The following RAP1GAP2 variants were observed in gnomAD, a reference collection of about 807,000 sequenced individuals.
RAP1GAP2 encodes the protein rap1 GTPase-activating protein 2.
Under a neutral mutation model 95.0 loss-of-function variants are expected in RAP1GAP2, and 27 were observed. The observed-to-expected ratio is 0.28, with a 90% CI of 0.21 to 0.39. The LOEUF is 0.39. Ranked by LOEUF, RAP1GAP2 falls within the 10% of genes least tolerant of loss-of-function variation. RAP1GAP2 has a pLI of 1.00. For missense variants in RAP1GAP2, 771 were observed against 970.0 expected (o/e 0.79, Z 2.72); for synonymous variants, 373 against 380.9 (o/e 0.98, Z 0.24).
chr17:2,940,868 G>A (rs1274986785), intron 3 of RAP1GAP2, among the ~76,000 whole-genome samples: 1 of 152,170 alleles, frequency 6.6e-6, no homozygotes, highest in Non-Finnish European at 1.5e-5. Flanking sequence ...CTCTATGGGA[G>A]TCAAGGGTGA....
chr17:2,928,550 C>T (rs1354982219), intron 3 of RAP1GAP2, among the ~76,000 whole-genome samples: 1 of 152,122 alleles, frequency 6.6e-6, no homozygotes, highest in Non-Finnish European at 1.5e-5. Context: ...CCCAGGTGAC[C>T]TGCCTGGCAT....
intron 3 of RAP1GAP2, among the ~76,000 whole-genome samples, chr17:2,934,493 G>A: frequency 6.6e-6 from 1 of 152,182 alleles, no homozygotes. Context: ...TTTCCCCATT[G>A]CGCAGAGAAG....
chr17:2,853,009 T>TG (rs888888275), intron 2 of RAP1GAP2, among the ~76,000 whole-genome samples: 2 of 144,468 alleles, frequency 1.4e-5, no homozygotes, highest in African/African-American at 5.2e-5. Context: ...GAGGGCGGAG[T>TG]GGGGGGCGCC....
chr17:2,983,194 C>T (rs549274853), intron 10 of RAP1GAP2, among the ~76,000 whole-genome samples: 6 of 152,104 alleles, frequency 3.9e-5, no homozygotes, highest in Non-Finnish European at 8.8e-5. Context: ...TTCTTCCTCT[C>T]GCATAACGCG....
chr17:3,013,111 C>A (rs998847610), intron 17 of RAP1GAP2, among the ~76,000 whole-genome samples: 21 of 152,172 alleles, frequency 1.4e-4, no homozygotes, highest in Non-Finnish European at 2.1e-4. Context: ...TTTCTCCCAG[C>A]CTTTGAGGGA....
intron 2 of RAP1GAP2, among the ~76,000 whole-genome samples, chr17:2,823,421 AAG>A (rs1319007493): frequency 6.6e-6 from 1 of 152,192 alleles, no homozygotes; most frequent in Non-Finnish European, 1.5e-5. Context: ...GTGTTTGAGA[AAG>A]AAAAACTGTT....
chr17:2,860,096 G>A (rs34542660), intron 2 of RAP1GAP2, among the ~76,000 whole-genome samples: 2 of 152,158 alleles, frequency 1.3e-5, no homozygotes, highest in African/African-American at 2.4e-5. Context: ...CTGGACATGA[G>A]GACTGTGCCT....
intron 4 of RAP1GAP2, among the ~76,000 whole-genome samples, chr17:2,959,944 G>A (rs1191592673): frequency 6.6e-6 from 1 of 151,972 alleles, no homozygotes; most frequent in African/African-American, 2.4e-5. Context: ...GGCCAACCTG[G>A]TGAAACCCTG....
chr17:3,010,315 G>A (rs1214109021), intron 17 of RAP1GAP2, among the ~76,000 whole-genome samples: 20 of 141,500 alleles, frequency 1.4e-4, no homozygotes, highest in Admixed American at 1.4e-3. Flanking sequence ...ACTCCAGCCT[G>A]GAGACAGGGC....
At chr17:2,911,090 A>G (rs1268362224) in intron 3 of RAP1GAP2, among the ~76,000 whole-genome samples, 1 of 152,052 alleles carries the variant, frequency 6.6e-6, no homozygotes, top group African/African-American at 2.4e-5. Flanking sequence ...GGGCCCAGGG[A>G]CGGCCTCTTG....
At chr17:2,928,068 C>T (rs1415940359) in intron 3 of RAP1GAP2, among the ~76,000 whole-genome samples, 3 of 37,324 alleles carry the variant, frequency 8.0e-5, no homozygotes, top group Non-Finnish European at 1.6e-4. Flanking sequence ...TGCTGATCCC[C>T]CAGCAACTGA....
chr17:2,920,063 G>A (rs2042705685), intron 3 of RAP1GAP2, among the ~76,000 whole-genome samples: 1 of 149,116 alleles, frequency 6.7e-6, no homozygotes, highest in Admixed American at 6.7e-5. Flanking sequence ...GGAGTACAGT[G>A]GTGCGATCAG....
At chr17:2,798,160 G>A (rs148088070) in intron 1 of RAP1GAP2, among the ~76,000 whole-genome samples, 25 of 152,286 alleles carry the variant, frequency 1.6e-4, no homozygotes, top group Non-Finnish European at 2.5e-4. Context: ...TTCTCACTGG[G>A]GCTTCCTTAA....
At chr17:2,792,697 C>G (rs1490418243), upstream of RAP1GAP2, among the ~76,000 whole-genome samples, 1 of 152,246 alleles carries the variant, frequency 6.6e-6, no homozygotes, top group African/African-American at 2.4e-5. Context: ...CAGTCCTGCT[C>G]CTTGGCCGGG....
In RAP1GAP2 at chr17:3,026,391, G is replaced by A. The variant is rs955138969; in HGVS notation, c.1907G>A (p.Arg636His). The A allele has an allele frequency of 1.7e-5, 27 of 1,552,168 alleles. No individual in the cohort carries two copies. The highest frequency in any genetic ancestry group is 2.4e-5 in the East Asian group (1 of 41,010). ...KLKENGRAIS[R>H]SSSSTSSVSS... is the part of the protein sequence containing the mutation. Reference sequence around the variant, plus strand: ...AAGGAAAACGGCCGTGCCATCTCCCGCTCCTCCTCCAGCACCAGCAGCGTC... The same window carrying A: ...AAGGAAAACGGCCGTGCCATCTCCCACTCCTCCTCCAGCACCAGCAGCGTC... The change falls in exon 21 of 25, where the codon CGC (arginine) becomes CAC (histidine). Residue 636 changes from arginine (R) to histidine (H), a missense_variant. Transcript: ENST00000254695.
intron 8 of RAP1GAP2, among the ~76,000 whole-genome samples, chr17:2,978,906 G>T (rs190894572): frequency 1.5e-4 from 23 of 152,104 alleles, no homozygotes; most frequent in Non-Finnish European, 2.8e-4. Flanking sequence ...TTGCACTCCA[G>T]CCTGGGCAAC....
rs998744507 is a variant in RAP1GAP2 at position 2,857,673 on chromosome 17, C to G, written c.81-47611C>G. On this transcript the variant is annotated intron_variant, in intron 2 of 24. Transcript: ENST00000254695. This position sits in a 1 kb window ranked among gnomAD's most constrained non-coding sequence, Gnocchi z 4.0. ...ACCTGGATGAAGCCTTCCTCAGAGA[C>G]TGCGGTTTGGAAACCACTTTGATTT... 3.9e-5 allele frequency among the ~76,000 whole-genome samples: 6 copies of G among 152,184 alleles called. No individual in the cohort carries two copies. The highest frequency in any genetic ancestry group is 1.3e-4 in the Admixed American group (2 of 15,276).
At chr17:2,897,871 C>G (rs997276765) in intron 2 of RAP1GAP2, among the ~76,000 whole-genome samples, 2 of 151,764 alleles carry the variant, frequency 1.3e-5, no homozygotes, top group South Asian at 2.1e-4. Flanking sequence ...TCCGTGAACC[C>G]TGGGATTGAA....
At chr17:2,774,477 ATCG>A (rs1474094565), upstream of RAP1GAP2, among the ~76,000 whole-genome samples, 2 of 110,586 alleles carry the variant, frequency 1.8e-5, no homozygotes, top group Admixed American at 2.6e-4. Flanking sequence ...CACCCCTGCT[ATCG>A]TTTTTTTTTT....
Sources: allele counts gnomAD v4.1 joint callset (sites outside exome capture counted in the v4.1 genomes callset), GRCh38; gene constraint gnomAD v4.1.1; non-coding constraint Gnocchi (gnomAD v3.1); transcripts MANE v1.5; gene names NCBI Gene and HGNC (gene_info 2026-07-23, HGNC 2026-07-21).